The following SH3BP4 variants were observed in gnomAD, a reference collection of about 807,000 sequenced individuals.
SH3BP4 encodes the protein SH3 domain binding protein 4.
SH3BP4 carries 33 observed loss-of-function variants against 65.5 expected under a neutral mutation model. The observed-to-expected ratio is 0.50, with a 90% CI of 0.38 to 0.67. The LOEUF (loss-of-function observed/expected upper bound fraction) is 0.67. Among genes scored for constraint, SH3BP4 ranks in the 30% least tolerant of loss-of-function variants. The pLI is 0.00. For missense variants in SH3BP4, 1,134 were observed against 1,261.4 expected, an observed-to-expected ratio of 0.90 and a Z score of 1.53; for synonymous variants, 552 against 545.5, an observed-to-expected ratio of 1.01 and a Z score of -0.17.
chr2:234,987,890 T>C (rs1299966121), intron 1 of SH3BP4, among the ~76,000 whole-genome samples: 1 of 152,112 alleles, frequency 6.6e-6, no homozygotes, highest in Non-Finnish European at 1.5e-5. Flanking sequence ...TTTCTGAGTG[T>C]GGGTTTGGCC....
At chr2:235,016,403 A>G (rs1177997608) in intron 2 of SH3BP4, among the ~76,000 whole-genome samples, 1 of 152,184 alleles carries the variant, frequency 6.6e-6, no homozygotes, top group East Asian at 1.9e-4. Flanking sequence ...GAAAGGGAAC[A>G]CTTTCCTCTG....
chr2:234,971,348 A>G (rs1445985830), intron 1 of SH3BP4, among the ~76,000 whole-genome samples: 1 of 152,216 alleles, frequency 6.6e-6, no homozygotes, highest in Non-Finnish European at 1.5e-5. Context: ...AGGCTGCATA[A>G]TATTCCATTA....
intron 1 of SH3BP4, among the ~76,000 whole-genome samples, chr2:234,982,934 G>A (rs796144267): frequency 1.7e-4 from 26 of 152,332 alleles, no homozygotes; most frequent in African/African-American, 6.3e-4. Flanking sequence ...TGAGGCAGTG[G>A]GGCTGTAAAT....
intron 1 of SH3BP4, among the ~76,000 whole-genome samples, chr2:234,971,272 G>A (rs1378883725): frequency 6.6e-6 from 1 of 152,124 alleles, no homozygotes; most frequent in African/African-American, 2.4e-5. Flanking sequence ...TTTGTGATTG[G>A]CATATTTCAC....
intron 1 of SH3BP4, among the ~76,000 whole-genome samples, chr2:234,973,419 A>G (rs764694687): frequency 1.3e-5 from 2 of 152,124 alleles, no homozygotes; most frequent in Non-Finnish European, 2.9e-5. Flanking sequence ...TCTTTGCAGC[A>G]TTTCTAAGCA....
chr2:234,984,590 TGCTTG>T (rs1240877764), intron 1 of SH3BP4, among the ~76,000 whole-genome samples: 2 of 152,174 alleles, frequency 1.3e-5, no homozygotes, highest in Non-Finnish European at 2.9e-5. Flanking sequence ...AGAAAATATT[TGCTTG>T]GCTTTCTAAA....
At chr2:235,043,979 G>A (rs1046157336) in intron 4 of SH3BP4, among the ~76,000 whole-genome samples, 2 of 152,242 alleles carry the variant, frequency 1.3e-5, no homozygotes, top group Non-Finnish European at 2.9e-5. Flanking sequence ...GACCAGATGC[G>A]GGTGGGGGCA....
chr2:235,012,940 G>A (rs777889496), intron 2 of SH3BP4, among the ~76,000 whole-genome samples: 6 of 152,230 alleles, frequency 3.9e-5, no homozygotes, highest in South Asian at 2.1e-4. Flanking sequence ...GCCTTTCTGC[G>A]CCTAGGCTGT....
intron 3 of SH3BP4, among the ~76,000 whole-genome samples, chr2:235,037,574 C>G (rs1695426369): frequency 6.6e-6 from 1 of 152,180 alleles, no homozygotes; most frequent in South Asian, 2.1e-4. Context: ...AATTTTGAAA[C>G]TACTGTAAGG....
At chr2:235,039,490 A>AAAG (rs1553567607) in intron 3 of SH3BP4, among the ~76,000 whole-genome samples, 21 of 151,990 alleles carry the variant, frequency 1.4e-4, no homozygotes, top group Middle Eastern at 3.4e-3. Context: ...TTAAAAAAAA[A>AAAG]AAAGAAAGAA....
chr2:234,994,829 G>C (rs1307114897), intron 1 of SH3BP4: 1 of 152,374 alleles, frequency 6.6e-6, no homozygotes, highest in South Asian at 2.1e-4. Context: ...GGACGTTTAG[G>C]TTTGCTGGGG....
At chr2:234,994,865 G>GTGAGGCTGGGATGC (rs1693863122) in intron 1 of SH3BP4, 1 of 152,354 alleles carries the variant, frequency 6.6e-6, no homozygotes, top group Non-Finnish European at 1.5e-5. Flanking sequence ...GAAGAGGACA[G>GTGAGGCTGGGATGC]TGAGGCTGGG....
chr2:235,044,354 G>A (rs1215406590), intron 4 of SH3BP4, among the ~76,000 whole-genome samples: 4 of 152,242 alleles, frequency 2.6e-5, no homozygotes, highest in Non-Finnish European at 5.9e-5. Context: ...ACTGCTCCCC[G>A]CAGGCAGCCC....
intron 3 of SH3BP4, among the ~76,000 whole-genome samples, chr2:235,037,123 AT>A (rs1376499037): frequency 6.6e-6 from 1 of 152,222 alleles, no homozygotes; most frequent in Non-Finnish European, 1.5e-5. Flanking sequence ...CGGATAGGAA[AT>A]GTATTATTCA....
intron 2 of SH3BP4, among the ~76,000 whole-genome samples, chr2:235,011,576 C>T (rs1031193204): frequency 6.6e-6 from 1 of 152,236 alleles, no homozygotes; most frequent in Non-Finnish European, 1.5e-5. Flanking sequence ...ATCGTAGTCT[C>T]TATGATAGCT....
chr2:234,969,882 C>T (rs1692936605), intron 1 of SH3BP4, among the ~76,000 whole-genome samples: 1 of 151,750 alleles, frequency 6.6e-6, no homozygotes, highest in Admixed American at 6.6e-5. Context: ...CACACACTCT[C>T]GCTGTCTCTC....
chr2:235,032,033 G>A (rs555837656), intron 2 of SH3BP4, among the ~76,000 whole-genome samples: 53 of 152,066 alleles, frequency 3.5e-4, no homozygotes, highest in Admixed American at 8.5e-4. Flanking sequence ...ATGAGGCGGC[G>A]CGGTGGCCGA....
rs1313833022 is a variant in SH3BP4, at chr2:235,035,958, C to T, written c.118+838C>T. On this transcript the variant is annotated intron_variant, in intron 3 of 5. Transcript: ENST00000392011. This position sits in a 1 kb window ranked among gnomAD's most constrained non-coding sequence, Gnocchi z 5.0. ...GCTTTCTCTTAGCTGTTGAAACTGT[C>T]TTGCCTGGAGCACAGCTGAAAAGTA... Among the ~76,000 whole-genome samples the T allele has an allele frequency of 1.3e-5, 2 of 152,222 alleles. No homozygotes were observed. The highest frequency in any genetic ancestry group is 2.4e-5 in the African/African-American group (1 of 41,464).
At chr2:235,038,377 A>ATTT (rs1559254657) in intron 3 of SH3BP4, among the ~76,000 whole-genome samples, 1 of 15,746 alleles carries the variant, frequency 6.4e-5, no homozygotes. Flanking sequence ...ATATATATAC[A>ATTT]TATATATATA....
Sources: allele counts gnomAD v4.1 joint callset (sites outside exome capture counted in the v4.1 genomes callset), GRCh38; gene constraint gnomAD v4.1.1; non-coding constraint Gnocchi (gnomAD v3.1); transcripts MANE v1.5; gene names NCBI Gene and HGNC (gene_info 2026-07-23, HGNC 2026-07-21).